Variants in RYR1 observed in about 807,000 individuals in gnomAD.
The protein encoded by RYR1 is ryanodine receptor 1.
In RYR1, 342 loss-of-function variants were observed where a neutral mutation model predicts 583.5. The ratio of observed to expected loss-of-function variants is 0.59; its 90% CI spans 0.54 to 0.64. The LOEUF (loss-of-function observed/expected upper bound fraction) is 0.64. Among genes scored for constraint, RYR1 ranks in the 30% least tolerant of loss-of-function variants. RYR1 has a pLI of 0.00. For missense variants in RYR1, 6,032 were observed against 6,917.2 expected (o/e 0.87, Z 4.54); for synonymous variants, 2,791 against 2,822.5 (o/e 0.99, Z 0.35).
intron 11 of RYR1, among the ~76,000 whole-genome samples, chr19:38,449,732 G>T (rs138557087): frequency 9.1e-4 from 138 of 152,332 alleles, no homozygotes; most frequent in African/African-American, 2.7e-3. Context: ...CATGTGCAAA[G>T]GTCCTGAGGT....
At chr19:38,448,620 A>G in intron 10 of RYR1, 29 bp from the exon 11 acceptor site, 1 of 1,614,140 alleles carries the variant, frequency 6.2e-7, no homozygotes, top group Non-Finnish European at 8.5e-7. Context: ...CAGGCAGAGG[A>G]GGCTGACCTG....
intron 11 of RYR1, 120 bp downstream of exon 11, chr19:38,448,933 G>C: frequency 1.0e-6 from 1 of 1,000,648 alleles, no homozygotes; most frequent in Non-Finnish European, 1.5e-6. Context: ...GACAGAGTGA[G>C]ATGGGGTGCA....
At chr19:38,472,867 G>T (rs955886487) in intron 27 of RYR1, among the ~76,000 whole-genome samples, 39 of 143,972 alleles carry the variant, frequency 2.7e-4, no homozygotes, top group African/African-American at 8.7e-4. Flanking sequence ...AGAAGTCTGA[G>T]AACAAAGAAT....
In RYR1 at chr19:38,485,727, C is replaced by T. The variant is rs760098165; in HGVS notation, c.5072C>T (p.Ala1691Val). ...GCTCTGTGCAGCCACGTAGACCAAGCTCAGCTGCTGCACGCCCTGGAGGAC... is the reference window on the plus strand; with the variant it reads ...GCTCTGTGCAGCCACGTAGACCAAGTTCAGCTGCTGCACGCCCTGGAGGAC... ...AHALCSHVDQ[A>V]QLLHALEDAH... is the part of the protein sequence containing the mutation. Residue 1691 changes from alanine (A) to valine (V), a missense_variant, in exon 34 of 106, where the codon GCT becomes GTT. This residue lies in a region of RYR1 where 2,627 missense variants were observed against 2,961.3 expected (regional missense o/e 0.89). Transcript: ENST00000359596. 1.2e-6 allele frequency: 2 copies of T among 1,612,626 alleles called. No individual in the cohort carries two copies. Among genetic ancestry groups the T allele is most frequent in the South Asian group, 1.1e-5 (1 of 91,068 alleles).
intron 94 of RYR1, among the ~76,000 whole-genome samples, chr19:38,571,448 C>T (rs896984018): frequency 2.0e-5 from 3 of 152,128 alleles, no homozygotes; most frequent in Non-Finnish European, 4.4e-5. Flanking sequence ...AGCCTGGCCA[C>T]ATGGTGAAAC....
In RYR1 at chr19:38,483,117, C is replaced by G; in HGVS notation, c.4707+4C>G. ...GTTTGAGCTGGGGAAGCAGAAGGTACAAGTGCAGTGATGGGGGCACTAATG... is the reference window on the plus strand; with the variant it reads ...GTTTGAGCTGGGGAAGCAGAAGGTAGAAGTGCAGTGATGGGGGCACTAATG... On this transcript the variant is annotated splice_donor_region_variant and intron_variant, in intron 32 of 105. Coordinates refer to ENST00000359596, the MANE Select transcript of RYR1 (RefSeq NM_000540.3). The surrounding 1 kb of genome is among the most constrained non-coding windows in gnomAD (Gnocchi z 6.3). The G allele has an allele frequency of 6.2e-7, 1 of 1,613,828 alleles. No homozygotes were observed. The highest frequency in any genetic ancestry group is 8.5e-7 in the Non-Finnish European group (1 of 1,179,778).
chr19:38,536,843 G>A, intron 83 of RYR1, 76 bp downstream of exon 83: 10 of 1,499,796 alleles, frequency 6.7e-6, no homozygotes, highest in South Asian at 1.1e-5. Flanking sequence ...CTCCACCTAG[G>A]GGCTGAGGAT....
chr19:38,478,118 C>T (rs1325880658), intron 30 of RYR1, among the ~76,000 whole-genome samples: 1 of 152,002 alleles, frequency 6.6e-6, no homozygotes, highest in Non-Finnish European at 1.5e-5. Context: ...TCCATTTTCT[C>T]CTTTTCCTTC....
chr19:38,527,898 G>A (rs1971544589), intron 73 of RYR1, 114 bp downstream of exon 73: 4 of 1,278,208 alleles, frequency 3.1e-6, no homozygotes, highest in Non-Finnish European at 4.4e-6. Context: ...TTGGGGCAGG[G>A]CAGGAGGTGG....
intron 1 of RYR1, 149 bp downstream of exon 1, chr19:38,434,023 C>A: frequency 1.3e-6 from 1 of 784,590 alleles, no homozygotes; most frequent in Non-Finnish European, 2.3e-6. Context: ...GTCACTCTGT[C>A]TTTTAGTCTC....
chr19:38,585,390 T>A (rs1309970554), intron 102 of RYR1, among the ~76,000 whole-genome samples: 5 of 142,586 alleles, frequency 3.5e-5, no homozygotes, highest in African/African-American at 1.3e-4. Context: ...ATATATATGT[T>A]TATTTATATA....
rs1021881523 is a variant in RYR1, at chr19:38,509,455, T to A, written c.8933-1043T>A. ...GTATTATTATTATTATTATTATTTT[T>A]TTTTTTTTTTTTTTTGAGACGGAGT... On this transcript the variant is annotated intron_variant, in intron 58 of 105. Coordinates refer to ENST00000359596, the MANE Select transcript of RYR1 (RefSeq NM_000540.3). Among the ~76,000 whole-genome samples the A allele has an allele frequency of 6.1e-3, 671 of 110,828 alleles. 8 individuals are homozygous for A. Among genetic ancestry groups the A allele is most frequent in the African/African-American group, 0.024 (631 of 26,348 alleles). The allele number at this position is 110,828 out of a possible 152,430, so 72.7% of individuals were successfully genotyped here.
Position 38,463,531 on chromosome 19 carries a change from AG to A in RYR1, c.2682+8del. ...GCAGGGCTGGACCTACGGCCCGGTG[AG>A]GGGCTGCCTGCAGCCTGCGGGAGGC... On this transcript the variant is annotated splice_donor_5th_base_variant and intron_variant, in intron 21 of 105. Transcript: ENST00000359596. The A allele has an allele frequency of 1.2e-6, 2 of 1,611,122 alleles. No homozygotes were observed. Among genetic ancestry groups the A allele is most frequent in the Non-Finnish European group, 1.7e-6 (2 of 1,179,276 alleles).
intron 42 of RYR1, among the ~76,000 whole-genome samples, chr19:38,497,242 G>A (rs1969883762): frequency 6.7e-6 from 1 of 150,356 alleles, no homozygotes; most frequent in East Asian, 1.9e-4. Context: ...TTCCAGGCTG[G>A]GGGCGGATCC....
At chr19:38,570,485 A>G in intron 93 of RYR1, 122 bp from the exon 94 acceptor site, 1 of 610,766 alleles carries the variant, frequency 1.6e-6, no homozygotes, top group Non-Finnish European at 2.9e-6. Context: ...ATAAATAAAT[A>G]GGAGGTTGTA....
intron 81 of RYR1, 119 bp downstream of exon 81, chr19:38,535,511 A>G: frequency 1.2e-6 from 1 of 808,020 alleles, no homozygotes; most frequent in Non-Finnish European, 2.2e-6. Flanking sequence ...ACTCACTCAG[A>G]ATCGCTCAAA....
intron 58 of RYR1, among the ~76,000 whole-genome samples, chr19:38,508,857 A>C (rs1413108967): frequency 6.6e-6 from 1 of 151,742 alleles, no homozygotes; most frequent in African/African-American, 2.4e-5. Context: ...GAGGGACGTG[A>C]TCCATAATTC....
intron 96 of RYR1, among the ~76,000 whole-genome samples, chr19:38,575,520 C>T (rs896023304): frequency 1.3e-5 from 2 of 148,322 alleles, no homozygotes; most frequent in South Asian, 2.1e-4. Flanking sequence ...AAAAATTAGC[C>T]GGGCGTGGTG....
rs995552797 is a variant in RYR1 at position 38,509,430 on chromosome 19, GTATTATTAT to G, written c.8933-1054_8933-1046del. 1.9e-4 allele frequency among the ~76,000 whole-genome samples: 27 copies of G among 139,944 alleles called. 1 individual carries two copies. Among genetic ancestry groups the G allele is most frequent in the South Asian group, 2.2e-4 (1 of 4,484 alleles). The allele number at this position is 139,944 out of a possible 152,430, so 91.8% of individuals were successfully genotyped here. On this transcript the variant is annotated intron_variant, in intron 58 of 105. Coordinates refer to ENST00000359596, the MANE Select transcript of RYR1 (RefSeq NM_000540.3). ...AGCAAGTGTTTAATAATTGGAGCCA[GTATTATTAT>G]TATTATTATTATTTTTTTTTTTTTT...
Sources: gnomAD v4.1 joint callset for allele counts (sites outside exome capture counted in the v4.1 genomes callset) on GRCh38, gnomAD v4.1.1 for gene constraint, gnomAD v4.1.1 regional missense constraint, Gnocchi (gnomAD v3.1) non-coding constraint, MANE v1.5 for transcripts, NCBI Gene and HGNC (gene_info 2026-07-23, HGNC 2026-07-21) for gene names.